The following ST3GAL4 variants were observed in gnomAD, a reference collection of about 807,000 sequenced individuals.
The protein encoded by ST3GAL4 is ST3 beta-galactoside alpha-2,3-sialyltransferase 4.
In ST3GAL4, 24 loss-of-function variants were observed where a neutral mutation model predicts 42.6. That is an observed-to-expected ratio of 0.56 (90% confidence interval 0.41 to 0.79). The LOEUF is 0.79. Among genes scored for constraint, ST3GAL4 ranks in the 30% least tolerant of loss-of-function variants. The pLI, the probability that ST3GAL4 is intolerant of heterozygous loss-of-function variation, is 0.00. For missense variants in ST3GAL4, 311 were observed against 430.8 expected (o/e 0.72, Z 2.46); for synonymous variants, 135 against 163.2 (o/e 0.83, Z 1.32).
At chr11:126,405,886 G>T in intron 1 of ST3GAL4, 1 of 617,184 alleles carries the variant, frequency 1.6e-6, no homozygotes. Flanking sequence ...TTTCCCTTCC[G>T]TGGCAGGGCT....
intron 1 of ST3GAL4, chr11:126,403,541 A>G (rs769971092): frequency 2.1e-5 from 15 of 711,046 alleles, no homozygotes; most frequent in Non-Finnish European, 2.6e-5. Context: ...CCCACCCCTA[A>G]CCAATTAAAT....
In ST3GAL4 at chr11:126,411,764, C is replaced by T. The variant is rs985767907; in HGVS notation, c.772-1741C>T. On this transcript the variant is annotated intron_variant, in intron 9 of 10. Transcript: ENST00000444328. This position sits in a 1 kb window ranked among gnomAD's most constrained non-coding sequence, Gnocchi z 6.3. Reference sequence around the variant, plus strand: ...TTGGAGGTGGCCCACATTTCTTGACCGTACAGCCTCCATCTTCAAGCCAGC... The same window carrying T: ...TTGGAGGTGGCCCACATTTCTTGACTGTACAGCCTCCATCTTCAAGCCAGC... 3.3e-5 allele frequency among the ~76,000 whole-genome samples: 5 copies of T among 152,090 alleles called. No individual in the cohort carries two copies. Among genetic ancestry groups the T allele is most frequent in the Non-Finnish European group, 7.4e-5 (5 of 68,020 alleles).
At chr11:126,372,947 G>A (rs893812899) in intron 1 of ST3GAL4, among the ~76,000 whole-genome samples, 7 of 152,176 alleles carry the variant, frequency 4.6e-5, no homozygotes, top group Non-Finnish European at 7.4e-5. Flanking sequence ...TATATACCCC[G>A]AAGCACAGTT....
intron 1 of ST3GAL4, among the ~76,000 whole-genome samples, chr11:126,399,555 C>T (rs1953920041): frequency 6.6e-6 from 1 of 152,064 alleles, no homozygotes; most frequent in Non-Finnish European, 1.5e-5. Flanking sequence ...GATCCGCCCG[C>T]CTCAGCCTCC....
chr11:126,370,961 C>G (rs1305777338), intron 1 of ST3GAL4, among the ~76,000 whole-genome samples: 1 of 151,950 alleles, frequency 6.6e-6, no homozygotes, highest in Admixed American at 6.6e-5. Context: ...AACCACTGTG[C>G]CTGGCCCTCG....
At position 126,414,239 on chromosome 11, in the gene ST3GAL4, A is replaced by T; in HGVS notation, c.*192A>T. On this transcript the variant is annotated 3_prime_UTR_variant, in exon 11 of 11. Coordinates refer to ENST00000444328, the MANE Select transcript of ST3GAL4 (RefSeq NM_001254757.2). ...GCTCTTATGGAGCCGAGATCCAGTCAGGGTGGGGGCGCTGGAGCCGTGGGA... is the reference window on the plus strand; with the variant it reads ...GCTCTTATGGAGCCGAGATCCAGTCTGGGTGGGGGCGCTGGAGCCGTGGGA... 1.6e-6 allele frequency: 1 copy of T among 612,328 alleles called. No individual in the cohort carries two copies. The highest frequency in any genetic ancestry group is 2.9e-6 in the Non-Finnish European group (1 of 346,596). 37.9% of individuals were successfully genotyped at this position (612,328 alleles called of 1,614,324 possible). A position where few individuals can be genotyped will look rare whatever the true frequency, so the allele number is the denominator to read the frequency against.
In ST3GAL4 at chr11:126,411,895, G is replaced by A. The variant is rs1005895042; in HGVS notation, c.772-1610G>A. Among the ~76,000 whole-genome samples the A allele has an allele frequency of 6.6e-6, 1 of 152,144 alleles. No homozygotes were observed. Among genetic ancestry groups the A allele is most frequent in the African/African-American group, 2.4e-5 (1 of 41,416 alleles). On this transcript the variant is annotated intron_variant, in intron 9 of 10. Coordinates refer to ENST00000444328, the MANE Select transcript of ST3GAL4 (RefSeq NM_001254757.2). The surrounding 1 kb of genome is among the most constrained non-coding windows in gnomAD (Gnocchi z 6.3). ...TAATTAGGTCAAGCTCAGCAGGACA[G>A]CCTCTCCTTTTGTGTTCAACTGTGC...
chr11:126,407,980 T>C lies in ST3GAL4; in HGVS notation c.342-119T>C, dbSNP rs191690101. 8.4e-4 allele frequency: 973 copies of C among 1,155,964 alleles called. 2 individuals carry two copies. The African/African-American group carries it at 8.5e-3, about 10-fold the overall frequency. 71.6% of individuals were successfully genotyped at this position (1,155,964 alleles called of 1,614,324 possible). On this transcript the variant is annotated intron_variant, in intron 6 of 10. Transcript: ENST00000444328. ...GGACCACGGGGTGATGCCTGCTTCA[T>C]GGGGACCAGGGGCTGAGGGGGCCTA... is the stretch of plus-strand genomic sequence containing the variant.
Position 126,392,910 on chromosome 11 carries a change from A to G in ST3GAL4, c.-60-13186A>G, listed in dbSNP as rs73632789. Among the ~76,000 whole-genome samples, 4,997 of 151,512 alleles carry G rather than the reference A, an allele frequency of 0.033. 286 individuals carry two copies. Among genetic ancestry groups the G allele is most frequent in the African/African-American group, 0.11 (4,660 of 41,182 alleles). ...GAAGAGAGGTCTGGGCTTGGGTCCC[A>G]ACCACTGATTCCAGATCTCTCAACA... On this transcript the variant is annotated intron_variant, in intron 1 of 10. Coordinates refer to ENST00000444328, the MANE Select transcript of ST3GAL4 (RefSeq NM_001254757.2). The surrounding 1 kb of genome is among the most constrained non-coding windows in gnomAD (Gnocchi z 5.8).
Position 126,366,607 on chromosome 11 carries a change from C to T in ST3GAL4, c.-61+10765C>T, listed in dbSNP as rs1428225451. ...TGCAGGGCCCTCCCCTCTGGCGAGTCTGCCTCTCACTCGCTCAGCCCCTTT... is the reference window on the plus strand; with the variant it reads ...TGCAGGGCCCTCCCCTCTGGCGAGTTTGCCTCTCACTCGCTCAGCCCCTTT... On this transcript the variant is annotated intron_variant, in intron 1 of 10. Coordinates refer to ENST00000444328, the MANE Select transcript of ST3GAL4 (RefSeq NM_001254757.2). This position sits in a 1 kb window ranked among gnomAD's most constrained non-coding sequence, Gnocchi z 4.2. Among the ~76,000 whole-genome samples, 2 of 152,174 alleles carry T rather than the reference C, an allele frequency of 1.3e-5. No individual in the cohort carries two copies. Among genetic ancestry groups the T allele is most frequent in the East Asian group, 1.9e-4 (1 of 5,190 alleles).
rs1311456742 is a variant in ST3GAL4, at chr11:126,409,597, G to A, written c.771+186G>A. Among the ~76,000 whole-genome samples, 1 of 152,196 alleles carries A rather than the reference G, an allele frequency of 6.6e-6. No homozygotes were observed. The highest frequency in any genetic ancestry group is 1.5e-5 in the Non-Finnish European group (1 of 68,040). On this transcript the variant is annotated intron_variant, in intron 9 of 10. Transcript: ENST00000444328. This position sits in a 1 kb window ranked among gnomAD's most constrained non-coding sequence, Gnocchi z 4.9. Reference sequence around the variant, plus strand: ...GGGAGTGCACACTTTAGAGAACCAAGGGGCATTTACTAAGTGGGGAGGGAT... The same window carrying A: ...GGGAGTGCACACTTTAGAGAACCAAAGGGCATTTACTAAGTGGGGAGGGAT...
At chr11:126,387,950 C>T (rs1953294379) in intron 1 of ST3GAL4, among the ~76,000 whole-genome samples, 1 of 152,228 alleles carries the variant, frequency 6.6e-6, no homozygotes, top group South Asian at 2.1e-4. Flanking sequence ...ACGATACCAG[C>T]ACGCATAGGT....
chr11:126,370,021 G>A (rs577197318), intron 1 of ST3GAL4, among the ~76,000 whole-genome samples: 24 of 152,332 alleles, frequency 1.6e-4, no homozygotes, highest in Admixed American at 1.3e-3. Flanking sequence ...GTTTCGTTGT[G>A]TGTGCCTAAT....
chr11:126,404,225 T>C (rs1356680341), intron 1 of ST3GAL4, among the ~76,000 whole-genome samples: 1 of 152,218 alleles, frequency 6.6e-6, no homozygotes, highest in Non-Finnish European at 1.5e-5. Flanking sequence ...TCCACTTGTC[T>C]GGGCTCTGGG....
chr11:126,371,174 T>C (rs969684009), intron 1 of ST3GAL4, among the ~76,000 whole-genome samples: 1 of 115,084 alleles, frequency 8.7e-6, no homozygotes, highest in Admixed American at 9.0e-5. Flanking sequence ...TTTTTTTTTT[T>C]TTTTTTTTGA....
At position 126,363,558 on chromosome 11, in the gene ST3GAL4, G is replaced by C. The variant is rs1952322778; in HGVS notation, c.-61+7716G>C. Reference sequence around the variant, plus strand: ...TTCCAGGAGTTGAGTTTGGCGAAGAGACAGTGCCTGCCCAAAGTATGCAAT... The same window carrying C: ...TTCCAGGAGTTGAGTTTGGCGAAGACACAGTGCCTGCCCAAAGTATGCAAT... On this transcript the variant is annotated intron_variant, in intron 1 of 10. Transcript: ENST00000444328. The surrounding 1 kb of genome is among the most constrained non-coding windows in gnomAD (Gnocchi z 4.6). Among the ~76,000 whole-genome samples the C allele has an allele frequency of 6.6e-6, 1 of 152,224 alleles. No individual in the cohort carries two copies. Among genetic ancestry groups the C allele is most frequent in the Admixed American group, 6.5e-5 (1 of 15,288 alleles).
rs148155094 is a variant in ST3GAL4, at chr11:126,413,523, T to C, written c.790T>C (p.Leu264=). The change falls in exon 10 of 11, where the codon TTG becomes CTG. Residue 264 remains leucine (L), a synonymous_variant. Coordinates refer to ENST00000444328, the MANE Select transcript of ST3GAL4 (RefSeq NM_001254757.2). ...TCCTCAGAAGCCCACCACGGGCCTG[T>C]TGGCCATCACGCTGGCCCTCCACCT... ...KIKQKPTTGL[L]AITLALHLCD... 1.3e-4 allele frequency: 211 copies of C among 1,614,062 alleles called. No individual in the cohort carries two copies. The highest frequency in any genetic ancestry group is 1.6e-4 in the Middle Eastern group (1 of 6,066).
chr11:126,368,356 G>T (rs1051422590), intron 1 of ST3GAL4, among the ~76,000 whole-genome samples: 1 of 152,210 alleles, frequency 6.6e-6, no homozygotes, highest in Non-Finnish European at 1.5e-5. Context: ...CCCAGATTCT[G>T]CCATGCCACA....
At chr11:126,369,289 C>T (rs1404086361) in intron 1 of ST3GAL4, among the ~76,000 whole-genome samples, 1 of 152,028 alleles carries the variant, frequency 6.6e-6, no homozygotes, top group African/African-American at 2.4e-5. Flanking sequence ...CTCTTGTCGC[C>T]CAGGCTGGAG....
Sources: allele counts gnomAD v4.1 joint callset (sites outside exome capture counted in the v4.1 genomes callset), GRCh38; gene constraint gnomAD v4.1.1; non-coding constraint Gnocchi (gnomAD v3.1); transcripts MANE v1.5; gene names NCBI Gene and HGNC (gene_info 2026-07-23, HGNC 2026-07-21).